The following FAM171A1 variants were observed in gnomAD, a reference collection of about 807,000 sequenced individuals.
FAM171A1 encodes protein FAM171A1.
FAM171A1 carries 23 observed loss-of-function variants against 74.9 expected under a neutral mutation model. The ratio of observed to expected loss-of-function variants is 0.31; its 90% CI spans 0.22 to 0.44. FAM171A1 has a LOEUF of 0.44. FAM171A1 is among the 20% of genes least tolerant of loss of function. FAM171A1 has a pLI of 1.00. For missense variants in FAM171A1, 1,162 were observed against 1,159.2 expected, an observed-to-expected ratio of 1.00 and a Z score of -0.03; for synonymous variants, 527 against 505.7, an observed-to-expected ratio of 1.04 and a Z score of -0.57.
At chr10:15,250,919 A>G (rs1280938746) in intron 4 of FAM171A1, among the ~76,000 whole-genome samples, 2 of 152,202 alleles carry the variant, frequency 1.3e-5, no homozygotes, top group Non-Finnish European at 2.9e-5. Context: ...GGTACTTGGT[A>G]GATAGAGGAG....
intron 1 of FAM171A1, among the ~76,000 whole-genome samples, chr10:15,293,919 C>T (rs1835131545): frequency 6.6e-6 from 1 of 152,208 alleles, no homozygotes; most frequent in Non-Finnish European, 1.5e-5. Flanking sequence ...TTTTCCCAGC[C>T]TCCCCTGTAG....
intron 1 of FAM171A1, among the ~76,000 whole-genome samples, chr10:15,305,625 C>T (rs552000665): frequency 1.6e-5 from 2 of 128,868 alleles, no homozygotes; most frequent in African/African-American, 6.1e-5. Flanking sequence ...AGTGATCATA[C>T]CACTGTACTC....
chr10:15,303,236 T>C (rs1477408552), intron 1 of FAM171A1, among the ~76,000 whole-genome samples: 1 of 152,078 alleles, frequency 6.6e-6, no homozygotes, highest in East Asian at 1.9e-4. Flanking sequence ...ATTTATGAAA[T>C]ATTTTTATAA....
rs2131700930 is a variant in FAM171A1, at chr10:15,214,246, T to G, written c.1342A>C (p.Thr448Pro). 6.2e-7 allele frequency: 1 copy of G among 1,613,856 alleles called. No individual in the cohort carries two copies. Among genetic ancestry groups the G allele is most frequent in the South Asian group, 1.1e-5 (1 of 91,058 alleles). The change falls in exon 8 of 8, where the codon ACT becomes CCT. Residue 448 changes from threonine to proline, a missense_variant. Transcript: ENST00000378116. ...TCTTTCCCCAGCGTCCCACTTGGAG[T>G]GAGGTTATCAAAGGAGATCTGGCTT... is the stretch of plus-strand genomic sequence containing the variant. ...DKSQISFDNLTPSGTLGKDYH... is the reference protein window; with the variant it reads ...DKSQISFDNLPPSGTLGKDYH...
chr10:15,253,158 C>T (rs912952576), intron 4 of FAM171A1, among the ~76,000 whole-genome samples: 1 of 152,126 alleles, frequency 6.6e-6, no homozygotes. Context: ...CACCTGCCAC[C>T]ACACCCAGCT....
intron 1 of FAM171A1, among the ~76,000 whole-genome samples, chr10:15,352,563 C>T (rs1367231996): frequency 2.6e-5 from 4 of 152,012 alleles, no homozygotes; most frequent in South Asian, 2.1e-4. Context: ...TCCATCAAGA[C>T]GCAGAAAGAA....
chr10:15,331,178 C>T (rs1475945700), intron 1 of FAM171A1, among the ~76,000 whole-genome samples: 2 of 152,146 alleles, frequency 1.3e-5, no homozygotes, highest in African/African-American at 2.4e-5. Flanking sequence ...TGTGAGCCAC[C>T]GCACCCGGCC....
intron 1 of FAM171A1, among the ~76,000 whole-genome samples, chr10:15,294,529 G>A (rs1453685446): frequency 6.6e-6 from 1 of 152,204 alleles, no homozygotes; most frequent in Non-Finnish European, 1.5e-5. Context: ...GAGCGCTCAG[G>A]AATTCTTCCC....
At chr10:15,336,186 G>T (rs1835697075) in intron 1 of FAM171A1, among the ~76,000 whole-genome samples, 1 of 152,176 alleles carries the variant, frequency 6.6e-6, no homozygotes, top group Non-Finnish European at 1.5e-5. Context: ...TTTAGGGACA[G>T]AGAAACCTAG....
chr10:15,358,856 G>T (rs1285411872), intron 1 of FAM171A1, among the ~76,000 whole-genome samples: 2 of 152,210 alleles, frequency 1.3e-5, no homozygotes, highest in Non-Finnish European at 2.9e-5. Flanking sequence ...TCAACATTGT[G>T]TGAAATTATA....
chr10:15,226,572 CCTGA>C (rs1317809562), intron 5 of FAM171A1, among the ~76,000 whole-genome samples: 9 of 152,134 alleles, frequency 5.9e-5, no homozygotes, highest in African/African-American at 1.9e-4. Flanking sequence ...TTCTACGTAA[CCTGA>C]CTCTTTGCCA....
At chr10:15,287,065 G>A (rs887466198) in intron 1 of FAM171A1, among the ~76,000 whole-genome samples, 2 of 150,776 alleles carry the variant, frequency 1.3e-5, no homozygotes, top group African/African-American at 4.9e-5. Flanking sequence ...GGATGTGCAC[G>A]ACACATACAC....
chr10:15,263,380 T>C (rs1376555030), intron 3 of FAM171A1, among the ~76,000 whole-genome samples: 2 of 152,178 alleles, frequency 1.3e-5, no homozygotes, highest in African/African-American at 2.4e-5. Context: ...CCACAAGATT[T>C]TGATGGAAAT....
intron 2 of FAM171A1, among the ~76,000 whole-genome samples, chr10:15,277,703 G>C (rs767738269): frequency 2.0e-5 from 3 of 152,148 alleles, no homozygotes; most frequent in Admixed American, 6.6e-5. Context: ...TGACATTCTG[G>C]GAAAACATCA....
At chr10:15,228,232 C>T (rs1280199123) in intron 5 of FAM171A1, among the ~76,000 whole-genome samples, 1 of 151,866 alleles carries the variant, frequency 6.6e-6, no homozygotes, top group African/African-American at 2.4e-5. Flanking sequence ...ATTACAAGCA[C>T]TATTGACTTT....
upstream of FAM171A1, among the ~76,000 whole-genome samples, chr10:15,372,357 A>G (rs1836160293): frequency 2.0e-5 from 3 of 152,186 alleles, no homozygotes; most frequent in Admixed American, 2.0e-4. Flanking sequence ...CAAAATTCTA[A>G]TAAAACAGTC....
intron 2 of FAM171A1, among the ~76,000 whole-genome samples, chr10:15,278,694 G>A (rs1834927494): frequency 6.6e-6 from 1 of 152,182 alleles, no homozygotes; most frequent in Non-Finnish European, 1.5e-5. Flanking sequence ...GGGATGTGCA[G>A]AATAGGCAAA....
intron 2 of FAM171A1, among the ~76,000 whole-genome samples, chr10:15,283,629 G>T (rs891200335): frequency 2.1e-4 from 32 of 152,126 alleles, no homozygotes; most frequent in African/African-American, 7.5e-4. Context: ...CTGTTGCCCA[G>T]GCTAGACTGC....
chr10:15,324,418 G>A (rs1328189158), intron 1 of FAM171A1, among the ~76,000 whole-genome samples: 1 of 152,176 alleles, frequency 6.6e-6, no homozygotes, highest in African/African-American at 2.4e-5. Flanking sequence ...CATTCTTTAT[G>A]TACTGTAACC....
Sources: allele counts gnomAD v4.1 joint callset (sites outside exome capture counted in the v4.1 genomes callset), GRCh38; gene constraint gnomAD v4.1.1; transcripts MANE v1.5; gene names NCBI Gene and HGNC (gene_info 2026-07-23, HGNC 2026-07-21).